Variants in NFIA observed in about 807,000 individuals in gnomAD.
NFIA encodes the protein nuclear factor 1 A-type.
In NFIA, 8 loss-of-function variants were observed where a neutral mutation model predicts 62.8. That is an observed-to-expected ratio of 0.13 (90% CI 0.07 to 0.23). The LOEUF (loss-of-function observed/expected upper bound fraction) is 0.23. NFIA is among the 10% of genes least tolerant of loss of function. NFIA has a pLI of 1.00. For missense variants in NFIA, 410 were observed against 642.1 expected (o/e 0.64, Z 3.91); for synonymous variants, 235 against 238.1 (o/e 0.99, Z 0.12).
chr1:61,430,972 T>A (rs1302508188), intron 10 of NFIA, among the ~76,000 whole-genome samples: 2 of 152,164 alleles, frequency 1.3e-5, no homozygotes, highest in Non-Finnish European at 2.9e-5. Flanking sequence ...TGGCCACTTG[T>A]CCCACCTTGA....
At chr1:61,338,217 G>A (rs7521242) in intron 4 of NFIA, among the ~76,000 whole-genome samples, 71,373 of 151,986 alleles carry the variant, frequency 0.47, 17,258 homozygotes, top group East Asian at 0.65. Flanking sequence ...TCAGTTACCC[G>A]GACTGATTTT....
At chr1:61,259,187 A>T (rs1656605042) in intron 2 of NFIA, among the ~76,000 whole-genome samples, 1 of 152,224 alleles carries the variant, frequency 6.6e-6, no homozygotes, top group South Asian at 2.1e-4. Context: ...ATCCCTGATA[A>T]AGAGAAGAAA....
At position 61,262,914 on chromosome 1, in the gene NFIA, A is replaced by G. The variant is rs576326807; in HGVS notation, c.560-14606A>G. ...TGCTGTGTTGTTCCATCCATCCCCA[A>G]CACTAACCTGATAATTCGGAGACAC... On this transcript the variant is annotated intron_variant, in intron 2 of 10. Transcript: ENST00000403491. Among the ~76,000 whole-genome samples, 8 of 152,266 alleles carry G rather than the reference A, an allele frequency of 5.3e-5. No homozygotes were observed. In the East Asian group the frequency reaches 7.7e-4, roughly 15 times the overall value.
At chr1:61,176,647 CATAG>C (rs145847986) in intron 2 of NFIA, among the ~76,000 whole-genome samples, 383 of 152,060 alleles carry the variant, frequency 2.5e-3, no homozygotes, top group East Asian at 0.017. Context: ...AGAAAAACTA[CATAG>C]ATGAATACTA....
intron 2 of NFIA, among the ~76,000 whole-genome samples, chr1:61,212,997 C>T (rs1189865933): frequency 2.0e-5 from 3 of 152,204 alleles, no homozygotes; most frequent in African/African-American, 7.2e-5. Flanking sequence ...ACCATTGCTC[C>T]TCTTGACTGT....
Position 61,249,306 on chromosome 1 carries a change from A to G in NFIA, c.560-28214A>G, listed in dbSNP as rs559089523. Among the ~76,000 whole-genome samples the G allele has an allele frequency of 2.6e-5, 4 of 152,352 alleles. No homozygotes were observed. In the East Asian group the frequency reaches 7.7e-4, roughly 29 times the overall value. ...AAACATTGATTTTTTTCAGAAGGAA[A>G]TAATTTCTACAAATCAAAAACTTTA... is the stretch of plus-strand genomic sequence containing the variant. On this transcript the variant is annotated intron_variant, in intron 2 of 10. Coordinates refer to ENST00000403491, the MANE Select transcript of NFIA (RefSeq NM_001134673.4).
At chr1:61,309,797 G>A (rs1013357820) in intron 3 of NFIA, among the ~76,000 whole-genome samples, 5 of 152,188 alleles carry the variant, frequency 3.3e-5, no homozygotes, top group Non-Finnish European at 7.3e-5. Flanking sequence ...GCTGAGGCAG[G>A]AGAATTGCTT....
chr1:61,080,625 C>T (rs911505492), upstream of NFIA, among the ~76,000 whole-genome samples: 1 of 152,146 alleles, frequency 6.6e-6, no homozygotes, highest in Non-Finnish European at 1.5e-5. Flanking sequence ...TAGGACATTC[C>T]TCCCCTACTA....
intron 2 of NFIA, among the ~76,000 whole-genome samples, chr1:61,108,378 ATTTTGT>A (rs1646640060): frequency 6.6e-6 from 1 of 151,508 alleles, no homozygotes; most frequent in East Asian, 1.9e-4. Context: ...TGTTTTTAAT[ATTTTGT>A]TTTTAACTCT....
chr1:61,306,788 G>A (rs1659827373), intron 3 of NFIA, among the ~76,000 whole-genome samples: 1 of 152,170 alleles, frequency 6.6e-6, no homozygotes, highest in Non-Finnish European at 1.5e-5. Flanking sequence ...GAGTCCTGGA[G>A]GAGTTATTCT....
In NFIA at chr1:61,270,471, A is replaced by G. The variant is rs536086085; in HGVS notation, c.560-7049A>G. On this transcript the variant is annotated intron_variant, in intron 2 of 10. Transcript: ENST00000403491. ...GTTTACACTTGATAGAGGGCATTTT[A>G]TTATTTCAATAAAAGTTTGTGCAGA... Among the ~76,000 whole-genome samples, 15 of 152,308 alleles carry G rather than the reference A, an allele frequency of 9.8e-5. No individual in the cohort carries two copies. In the South Asian group the frequency reaches 3.1e-3, roughly 32 times the overall value.
At chr1:61,440,079 C>A (rs1667507707) in intron 10 of NFIA, among the ~76,000 whole-genome samples, 1 of 152,096 alleles carries the variant, frequency 6.6e-6, no homozygotes, top group Non-Finnish European at 1.5e-5. Context: ...AAGATTCCTG[C>A]CAACTGGAGT....
At chr1:61,412,000 A>G (rs900533869) in intron 9 of NFIA, among the ~76,000 whole-genome samples, 1 of 152,054 alleles carries the variant, frequency 6.6e-6, no homozygotes, top group Admixed American at 6.6e-5. Context: ...GGACTTCAGC[A>G]TTTACCCTGA....
chr1:61,324,478 A>G (rs145468434), intron 3 of NFIA, among the ~76,000 whole-genome samples: 8 of 152,356 alleles, frequency 5.3e-5, no homozygotes, highest in Non-Finnish European at 1.0e-4. Flanking sequence ...TTGATCATTT[A>G]GAGCTGACAG....
intron 6 of NFIA, among the ~76,000 whole-genome samples, chr1:61,381,131 G>A (rs993964597): frequency 6.6e-6 from 1 of 150,556 alleles, no homozygotes; most frequent in African/African-American, 2.4e-5. Flanking sequence ...CACCTTTAAA[G>A]TTTTGATTTT....
intron 3 of NFIA, among the ~76,000 whole-genome samples, chr1:61,318,788 T>G (rs1660508003): frequency 6.6e-6 from 1 of 152,174 alleles, no homozygotes; most frequent in East Asian, 1.9e-4. Context: ...CTCCTTGTCC[T>G]TTATTGTTCA....
intron 2 of NFIA, among the ~76,000 whole-genome samples, chr1:61,271,076 C>T (rs547982940): frequency 2.0e-5 from 3 of 152,184 alleles, no homozygotes; most frequent in East Asian, 1.9e-4. Context: ...CAGCCTCATG[C>T]GAAGATTGAA....
At chr1:61,352,127 T>C (rs1662575890) in intron 4 of NFIA, among the ~76,000 whole-genome samples, 1 of 152,218 alleles carries the variant, frequency 6.6e-6, no homozygotes, top group Non-Finnish European at 1.5e-5. Flanking sequence ...AAGAGTGTTT[T>C]GGCTGGTCAT....
intron 2 of NFIA, among the ~76,000 whole-genome samples, chr1:61,267,237 C>G (rs369344624): frequency 5.9e-5 from 9 of 151,948 alleles, no homozygotes; most frequent in African/African-American, 2.2e-4. Flanking sequence ...GGCTGGGTGC[C>G]GTGGCTCATG....
Sources: allele counts gnomAD v4.1 joint callset (sites outside exome capture counted in the v4.1 genomes callset), GRCh38; gene constraint gnomAD v4.1.1; transcripts MANE v1.5; gene names NCBI Gene and HGNC (gene_info 2026-07-23, HGNC 2026-07-21).